PTPRK: variants seen among roughly 807,000 people sequenced by gnomAD.
PTPRK encodes protein tyrosine phosphatase receptor type K, also known as receptor-type tyrosine-protein phosphatase kappa.
In PTPRK, 75 loss-of-function variants were observed where a neutral mutation model predicts 178.0. The ratio of observed to expected loss-of-function variants is 0.42; its 90% CI spans 0.35 to 0.51. PTPRK has a LOEUF of 0.51. Ranked by LOEUF, PTPRK falls within the 20% of genes least tolerant of loss-of-function variation. PTPRK has a pLI of 0.02. For missense variants in PTPRK, 1,441 were observed against 1,797.8 expected, an observed-to-expected ratio of 0.80 and a Z score of 3.59; for synonymous variants, 637 against 620.6, an observed-to-expected ratio of 1.03 and a Z score of -0.39.
At chr6:128,364,938 T>C (rs1248622001) in intron 2 of PTPRK, among the ~76,000 whole-genome samples, 1 of 152,098 alleles carries the variant, frequency 6.6e-6, no homozygotes, top group Non-Finnish European at 1.5e-5. Flanking sequence ...TAAACAGTGC[T>C]GTAATAGAGT....
intron 1 of PTPRK, among the ~76,000 whole-genome samples, chr6:128,415,600 C>A (rs1842761366): frequency 6.6e-6 from 1 of 152,118 alleles, no homozygotes; most frequent in African/African-American, 2.4e-5. Context: ...AAGTTCTCCT[C>A]TCTTCAGAGA....
At chr6:128,233,974 C>T (rs1812768321) in intron 5 of PTPRK, among the ~76,000 whole-genome samples, 1 of 152,108 alleles carries the variant, frequency 6.6e-6, no homozygotes. Context: ...AACTTGAAGC[C>T]AAAGCATATG....
intron 3 of PTPRK, among the ~76,000 whole-genome samples, chr6:128,308,904 C>A (rs991787029): frequency 6.6e-6 from 1 of 152,088 alleles, no homozygotes; most frequent in Non-Finnish European, 1.5e-5. Flanking sequence ...TCAGTGGACA[C>A]GTGGTGTACA....
rs376328989 is a variant in PTPRK at position 128,456,947 on chromosome 6, T to C, written c.101-59259A>G. 4.9e-4 allele frequency among the ~76,000 whole-genome samples: 74 copies of C among 152,258 alleles called. 1 individual carries two copies. The South Asian group carries it at 0.015, about 31-fold the overall frequency. On this transcript the variant is annotated intron_variant, in intron 1 of 29. Coordinates refer to ENST00000368226, the MANE Select transcript of PTPRK (RefSeq NM_002844.4). ...TCTATTTCCCTTTCTTAAAGACTTA[T>C]GTTTCAATAACAGCTCCCAACCCAC... is the stretch of plus-strand genomic sequence containing the variant.
At position 127,985,892 on chromosome 6, in the gene PTPRK, A is replaced by G. The variant is rs755065239; in HGVS notation, c.3097-17T>C. The G allele has an allele frequency of 4.8e-5, 76 of 1,591,814 alleles. No individual in the cohort carries two copies. The highest frequency in any genetic ancestry group is 6.5e-5 in the Non-Finnish European group (76 of 1,162,338). On this transcript the variant is annotated splice_polypyrimidine_tract_variant and intron_variant, in intron 21 of 29. Coordinates refer to ENST00000368226, the MANE Select transcript of PTPRK (RefSeq NM_002844.4). ...GTACCCCCTCTGTGCAAAGATGGAA[A>G]GAAATGTTTTCAAAAGCCATTTTAA...
At chr6:128,397,532 TCCC>T (rs767891885) in intron 2 of PTPRK, 31 bp downstream of exon 2, 7 of 1,606,520 alleles carry the variant, frequency 4.4e-6, no homozygotes, top group Non-Finnish European at 6.0e-6. Context: ...GCAAAACTAT[TCCC>T]CCAACACTGA....
intron 7 of PTPRK, among the ~76,000 whole-genome samples, chr6:128,115,948 C>G (rs1292533364): frequency 1.3e-5 from 2 of 152,048 alleles, no homozygotes; most frequent in African/African-American, 2.4e-5. Context: ...TATACATTCA[C>G]AAGTAAACAC....
chr6:128,309,454 G>T (rs1826915431), intron 3 of PTPRK, among the ~76,000 whole-genome samples: 1 of 152,062 alleles, frequency 6.6e-6, no homozygotes, highest in Non-Finnish European at 1.5e-5. Context: ...AATCATTACA[G>T]ACCAGATGCA....
intron 10 of PTPRK, 131 bp from the exon 11 acceptor site, chr6:128,079,049 T>C (rs1784345745): frequency 2.0e-6 from 1 of 493,228 alleles, no homozygotes; most frequent in Non-Finnish European, 3.6e-6. Context: ...TTTTGTTTTA[T>C]AGCATAACAT....
intron 11 of PTPRK, among the ~76,000 whole-genome samples, chr6:128,070,009 T>C (rs575443070): frequency 1.4e-4 from 21 of 152,234 alleles, no homozygotes; most frequent in African/African-American, 5.1e-4. Context: ...AAAGATAAAT[T>C]ATTTCAATTT....
intron 1 of PTPRK, among the ~76,000 whole-genome samples, chr6:128,490,214 G>A (rs1419586815): frequency 6.6e-6 from 1 of 152,070 alleles, no homozygotes. Flanking sequence ...CTGAATCAAT[G>A]AGACTAAAAC....
intron 6 of PTPRK, among the ~76,000 whole-genome samples, chr6:128,197,940 G>A (rs770024327): frequency 1.3e-5 from 2 of 152,096 alleles, no homozygotes; most frequent in Non-Finnish European, 2.9e-5. Context: ...TAGAACACTT[G>A]TTCTAGGTGC....
chr6:128,063,280 G>A (rs1781176933), intron 13 of PTPRK, among the ~76,000 whole-genome samples: 1 of 152,022 alleles, frequency 6.6e-6, no homozygotes, highest in Non-Finnish European at 1.5e-5. Flanking sequence ...CTGTTTCCAG[G>A]ATCTCAATCC....
intron 4 of PTPRK, chr6:128,241,357 C>A: frequency 1.9e-6 from 1 of 527,068 alleles, no homozygotes; most frequent in Non-Finnish European, 3.9e-6. Context: ...AGGCCCCACC[C>A]CAGACCTATT....
intron 28 of PTPRK, among the ~76,000 whole-genome samples, chr6:127,973,439 G>A (rs1774170363): frequency 6.6e-6 from 1 of 152,116 alleles, no homozygotes; most frequent in Admixed American, 6.6e-5. Flanking sequence ...GTTGTTACGA[G>A]TAGTGTTCCA....
intron 7 of PTPRK, among the ~76,000 whole-genome samples, chr6:128,155,465 C>A (rs1206085511): frequency 6.6e-6 from 1 of 151,492 alleles, no homozygotes; most frequent in African/African-American, 2.4e-5. Context: ...TTAGGAAAGG[C>A]GTGTTAAATA....
At chr6:128,505,009 T>G (rs1856111045) in intron 1 of PTPRK, among the ~76,000 whole-genome samples, 2 of 151,976 alleles carry the variant, frequency 1.3e-5, no homozygotes, top group African/African-American at 4.8e-5. Flanking sequence ...AATTTAGATG[T>G]GCCATAGAAG....
rs182666490 is a variant in PTPRK, at chr6:128,005,044, G to A, written c.2494+40C>T. ...TCGTGTAGAATTCAAAGTGAAATGAGTTGTAACATCATTTATTAAAATTTT... is the reference window on the plus strand; with the variant it reads ...TCGTGTAGAATTCAAAGTGAAATGAATTGTAACATCATTTATTAAAATTTT... On this transcript the variant is annotated intron_variant, in intron 15 of 29. Coordinates refer to ENST00000368226, the MANE Select transcript of PTPRK (RefSeq NM_002844.4). 3.1e-5 allele frequency: 47 copies of A among 1,537,208 alleles called. No homozygotes were observed. In the African/African-American group the frequency reaches 5.6e-4, roughly 18 times the overall value.
chr6:128,227,253 C>G (rs1035771121), intron 5 of PTPRK, among the ~76,000 whole-genome samples: 1 of 152,140 alleles, frequency 6.6e-6, no homozygotes, highest in Non-Finnish European at 1.5e-5. Flanking sequence ...TATGAGTCCA[C>G]AACTATAAAA....
Sources: gnomAD v4.1 joint callset for allele counts (sites outside exome capture counted in the v4.1 genomes callset) on GRCh38, gnomAD v4.1.1 for gene constraint, MANE v1.5 for transcripts, NCBI Gene and HGNC (gene_info 2026-07-23, HGNC 2026-07-21) for gene names.